The following TBC1D4 variants were observed in gnomAD, a reference collection of about 807,000 sequenced individuals.
The protein encoded by TBC1D4 is TBC1 domain family member 4, also known as TBC (Tre-2, BUB2, CDC16) domain-containing protein.
TBC1D4 carries 121 observed loss-of-function variants against 142.5 expected under a neutral mutation model. The ratio of observed to expected loss-of-function variants is 0.85; its 90% CI spans 0.73 to 0.99. The LOEUF is 0.99. TBC1D4 is among the 50% of genes least tolerant of loss of function. The pLI is 0.00. For synonymous variants in TBC1D4, 630 were observed against 628.2 expected, an observed-to-expected ratio of 1.00 and a Z score of -0.04; for missense variants, 1,475 against 1,606.6, an observed-to-expected ratio of 0.92 and a Z score of 1.40.
rs1476801499 is a variant in TBC1D4 at position 75,286,016 on chromosome 13, G to A, written c.*776C>T. ...TTTTCAGGTGTGATATTTTTAGTTT[G>A]AGTAATAATGCTGGTCTAGTTTGCT... On this transcript the variant is annotated 3_prime_UTR_variant, in exon 21 of 21. Coordinates refer to ENST00000377636, the MANE Select transcript of TBC1D4 (RefSeq NM_014832.5). 6.6e-6 allele frequency: 1 copy of A among 152,582 alleles called. No individual in the cohort carries two copies. The highest frequency in any genetic ancestry group is 1.5e-5 in the Non-Finnish European group (1 of 68,030). 9.5% of individuals were successfully genotyped at this position (152,582 alleles called of 1,614,324 possible).
rs770466075 is a variant in TBC1D4, at chr13:75,362,248, C to T, written c.858G>A (p.Gln286=). ...THLGLPAGAS[Q]PALTSSRVCF... is the part of the protein sequence containing the mutation. ...AGACCCGAGAGCTGGTCAGGGCAGGCTGGCTGGCCCCGGCAGGTAAGCCAA... is the reference window on the plus strand; with the variant it reads ...AGACCCGAGAGCTGGTCAGGGCAGGTTGGCTGGCCCCGGCAGGTAAGCCAA... The change falls in exon 2 of 21, where the codon CAG becomes CAA. Residue 286 remains glutamine, a synonymous_variant. Coordinates refer to ENST00000377636, the MANE Select transcript of TBC1D4 (RefSeq NM_014832.5). This position sits in a 1 kb window ranked among gnomAD's most constrained non-coding sequence, Gnocchi z 4.2. The T allele has an allele frequency of 1.9e-6, 3 of 1,613,882 alleles. No homozygotes were observed. The highest frequency in any genetic ancestry group is 2.5e-6 in the Non-Finnish European group (3 of 1,179,984).
chr13:75,410,142 A>G (rs2138393379), intron 1 of TBC1D4, among the ~76,000 whole-genome samples: 1 of 152,362 alleles, frequency 6.6e-6, no homozygotes, highest in Middle Eastern at 3.4e-3. Context: ...TATGCTCATG[A>G]TAATCACTCA....
At chr13:75,360,858 T>A (rs1378612070) in intron 2 of TBC1D4, among the ~76,000 whole-genome samples, 2 of 152,194 alleles carry the variant, frequency 1.3e-5, no homozygotes, top group African/African-American at 4.8e-5. Flanking sequence ...TAAAATATTA[T>A]CATTTGTGAA....
At chr13:75,369,654 T>C (rs1357420189) in intron 1 of TBC1D4, among the ~76,000 whole-genome samples, 6 of 152,224 alleles carry the variant, frequency 3.9e-5, no homozygotes, top group Non-Finnish European at 7.3e-5. Context: ...AGAAAAGATA[T>C]GATACCCCCT....
chr13:75,434,438 A>C (rs971574511), intron 1 of TBC1D4, among the ~76,000 whole-genome samples: 3 of 152,178 alleles, frequency 2.0e-5, no homozygotes, highest in African/African-American at 7.2e-5. Context: ...GTTCTCACTT[A>C]TAAGTAAGAG....
intron 1 of TBC1D4, among the ~76,000 whole-genome samples, chr13:75,477,230 A>T (rs189161518): frequency 1.3e-5 from 2 of 152,384 alleles, no homozygotes; most frequent in East Asian, 1.9e-4. Context: ...ATATTCTCAA[A>T]GCTACTAACC....
chr13:75,320,750 C>T (rs568567602), intron 11 of TBC1D4, among the ~76,000 whole-genome samples: 23 of 151,520 alleles, frequency 1.5e-4, no homozygotes, highest in Admixed American at 7.2e-4. Context: ...GTAGGCTGGG[C>T]GCGGTGCTCA....
chr13:75,418,743 G>A (rs564028023), intron 1 of TBC1D4, among the ~76,000 whole-genome samples: 1 of 152,244 alleles, frequency 6.6e-6, no homozygotes, highest in African/African-American at 2.4e-5. Flanking sequence ...TTATTTCAAT[G>A]GTTTTCTTTT....
chr13:75,442,779 G>GAAAA (rs545872938), intron 1 of TBC1D4, among the ~76,000 whole-genome samples: 2 of 133,526 alleles, frequency 1.5e-5, no homozygotes, highest in South Asian at 2.4e-4. Flanking sequence ...CTCGGTTTCG[G>GAAAA]AAAAAAAAAA....
intron 1 of TBC1D4, among the ~76,000 whole-genome samples, chr13:75,394,123 A>T (rs1884647815): frequency 6.6e-6 from 1 of 152,188 alleles, no homozygotes; most frequent in African/African-American, 2.4e-5. Context: ...AATAGCTACA[A>T]AGTGCTTTTC....
chr13:75,480,401 G>A (rs2876703), intron 1 of TBC1D4, among the ~76,000 whole-genome samples: 151,666 of 152,236 alleles, frequency 1, 75,554 homozygotes, highest in Middle Eastern at 1. Flanking sequence ...ATTAAAGGGG[G>A]AAAACTCTGT....
rs1029284563 is a variant in TBC1D4 at position 75,446,724 on chromosome 13, G to C, written c.498+34546C>G. Among the ~76,000 whole-genome samples the C allele has an allele frequency of 2.6e-5, 4 of 152,302 alleles. No homozygotes were observed. In the South Asian group the frequency reaches 8.3e-4, roughly 32 times the overall value. On this transcript the variant is annotated intron_variant, in intron 1 of 20. Coordinates refer to ENST00000377636, the MANE Select transcript of TBC1D4 (RefSeq NM_014832.5). Reference sequence around the variant, plus strand: ...CCGCAGTTTCACAGTGTATACTGAAGCATTTGTAATATGGCTTTTTCTGTA... The same window carrying C: ...CCGCAGTTTCACAGTGTATACTGAACCATTTGTAATATGGCTTTTTCTGTA...
chr13:75,336,634 G>A (rs111672736), intron 8 of TBC1D4, among the ~76,000 whole-genome samples: 1,770 of 151,258 alleles, frequency 0.012, 27 homozygotes, highest in South Asian at 0.054. Flanking sequence ...TCCACTACTC[G>A]AGAGGCTGAG....
chr13:75,423,306 T>C (rs1442370300), intron 1 of TBC1D4, among the ~76,000 whole-genome samples: 1 of 152,168 alleles, frequency 6.6e-6, no homozygotes, highest in Non-Finnish European at 1.5e-5. Context: ...GAAAATATCT[T>C]AACAGGTTGC....
rs762621087 is a variant in TBC1D4, at chr13:75,356,269, A to T, written c.1171-18T>A. On this transcript the variant is annotated intron_variant, in intron 3 of 20. Coordinates refer to ENST00000377636, the MANE Select transcript of TBC1D4 (RefSeq NM_014832.5). ...TTTATACCCTAGATGGAGGGGAAGA[A>T]GTGCAATAAAAATGTATGGGAATAT... 5.2e-6 allele frequency: 8 copies of T among 1,540,164 alleles called. No individual in the cohort carries two copies. The highest frequency in any genetic ancestry group is 7.2e-6 in the Non-Finnish European group (8 of 1,113,216).
chr13:75,303,112 G>A (rs1405843240), intron 15 of TBC1D4, among the ~76,000 whole-genome samples: 2 of 152,164 alleles, frequency 1.3e-5, no homozygotes, highest in African/African-American at 4.8e-5. Flanking sequence ...GAGGTCAGGT[G>A]TTCATTACCG....
chr13:75,388,228 T>G (rs1278910234), intron 1 of TBC1D4, among the ~76,000 whole-genome samples: 1 of 152,208 alleles, frequency 6.6e-6, no homozygotes. Flanking sequence ...CTCGAGGTCC[T>G]TAACTTTAAT....
At chr13:75,297,134 C>T (rs1593872936) in intron 17 of TBC1D4, among the ~76,000 whole-genome samples, 2 of 152,206 alleles carry the variant, frequency 1.3e-5, no homozygotes, top group East Asian at 1.9e-4. Context: ...TACAGCAATG[C>T]TGTCACCAAA....
chr13:75,325,376 G>T (rs376242177), intron 10 of TBC1D4, among the ~76,000 whole-genome samples: 1 of 150,288 alleles, frequency 6.7e-6, no homozygotes, highest in Non-Finnish European at 1.5e-5. Flanking sequence ...TGTAACACAC[G>T]ATATAAAAAT....
Sources: gnomAD v4.1 joint callset for allele counts (sites outside exome capture counted in the v4.1 genomes callset) on GRCh38, gnomAD v4.1.1 for gene constraint, Gnocchi (gnomAD v3.1) non-coding constraint, MANE v1.5 for transcripts, NCBI Gene and HGNC (gene_info 2026-07-23, HGNC 2026-07-21) for gene names.